The following ELOVL4 variants were observed in gnomAD, a reference collection of about 807,000 sequenced individuals.
The protein encoded by ELOVL4 is very long chain fatty acid elongase 4.
A neutral mutation model predicts 42.1 loss-of-function variants in ELOVL4; 18 were observed. The observed-to-expected ratio is 0.43, with a 90% CI of 0.30 to 0.63. The LOEUF (loss-of-function observed/expected upper bound fraction) is 0.63, where lower values mean the gene tolerates loss of function less well. ELOVL4 is among the 30% of genes least tolerant of loss of function. The pLI is 0.15. For synonymous variants in ELOVL4, 117 were observed against 127.0 expected (o/e 0.92, Z 0.53); for missense variants, 299 against 376.2 (o/e 0.79, Z 1.70).
At chr6:79,922,929 G>A (rs1467358738) in intron 3 of ELOVL4, among the ~76,000 whole-genome samples, 1 of 152,052 alleles carries the variant, frequency 6.6e-6, no homozygotes, top group Non-Finnish European at 1.5e-5. Context: ...ATATGAATTG[G>A]TTGAAAATAA....
At chr6:79,943,675 T>C (rs994762788) in intron 1 of ELOVL4, among the ~76,000 whole-genome samples, 1 of 152,096 alleles carries the variant, frequency 6.6e-6, no homozygotes, top group Admixed American at 6.5e-5. Flanking sequence ...CTTTGCAAGA[T>C]GCATGAGGGC....
chr6:79,932,450 C>T (rs908946058), intron 1 of ELOVL4, among the ~76,000 whole-genome samples: 1 of 151,626 alleles, frequency 6.6e-6, no homozygotes, highest in African/African-American at 2.4e-5. Context: ...GAGGCTGAGG[C>T]AGGAGAATTG....
chr6:79,941,961 T>C (rs548101316), intron 1 of ELOVL4, among the ~76,000 whole-genome samples: 1 of 152,306 alleles, frequency 6.6e-6, no homozygotes, highest in South Asian at 2.1e-4. Flanking sequence ...CGTGAGTAAT[T>C]ACTAAAGACA....
intron 1 of ELOVL4, among the ~76,000 whole-genome samples, chr6:79,940,174 T>C (rs1349440042): frequency 6.6e-6 from 1 of 152,172 alleles, no homozygotes; most frequent in East Asian, 1.9e-4. Context: ...ATTCTGCAGT[T>C]CAAAATCACA....
At chr6:79,942,350 C>A (rs1220385611) in intron 1 of ELOVL4, among the ~76,000 whole-genome samples, 1 of 152,002 alleles carries the variant, frequency 6.6e-6, no homozygotes, top group African/African-American at 2.4e-5. Flanking sequence ...ATAGTACCTT[C>A]GTTTGTTAAC....
At chr6:79,938,969 C>T (rs573796846) in intron 1 of ELOVL4, among the ~76,000 whole-genome samples, 2 of 152,278 alleles carry the variant, frequency 1.3e-5, no homozygotes, top group East Asian at 1.9e-4. Flanking sequence ...ACAAAAGTTA[C>T]GTAACTTCTG....
intron 2 of ELOVL4, 63 bp downstream of exon 2, chr6:79,926,131 A>T: frequency 7.2e-7 from 1 of 1,379,566 alleles, no homozygotes; most frequent in Non-Finnish European, 1.0e-6. Flanking sequence ...ATGGTTTTAC[A>T]CATTCTCATT....
At chr6:79,916,940 A>G in intron 5 of ELOVL4, 57 bp from the exon 6 acceptor site, 1 of 1,603,872 alleles carries the variant, frequency 6.2e-7, no homozygotes. Context: ...ACAACTTTTA[A>G]CAACATCGGC....
intron 4 of ELOVL4, 80 bp from the exon 5 acceptor site, chr6:79,919,627 T>G: frequency 5.9e-6 from 7 of 1,178,912 alleles, no homozygotes; most frequent in South Asian, 1.3e-5. Context: ...AATAAATGAA[T>G]ACACATTATT....
At chr6:79,925,179 C>A in intron 2 of ELOVL4, 147 bp from the exon 3 acceptor site, 1 of 616,578 alleles carries the variant, frequency 1.6e-6, no homozygotes, top group Non-Finnish European at 2.9e-6. Context: ...TTCATGCATT[C>A]CGATTGCTAG....
chr6:79,924,952 C>T lies in ELOVL4; in HGVS notation c.369G>A (p.Arg123=). 1 of 1,587,922 alleles carries T rather than the reference C, an allele frequency of 6.3e-7. No individual in the cohort carries two copies. ...VDYSNNVHEV[R]IAAALWWYFV... ...TTAAGAGTATTTTTAATGTACTTACCCTGACTTCATGAACATTATTAGAAT... is the reference window on the plus strand; with the variant it reads ...TTAAGAGTATTTTTAATGTACTTACTCTGACTTCATGAACATTATTAGAAT... The change falls in exon 3 of 6, where the codon AGG becomes AGA. Residue 123 remains arginine, a splice_region_variant and synonymous_variant. Transcript: ENST00000369816.
chr6:79,938,625 T>A (rs1774589250), intron 1 of ELOVL4, among the ~76,000 whole-genome samples: 1 of 152,258 alleles, frequency 6.6e-6, no homozygotes, highest in Admixed American at 6.5e-5. Flanking sequence ...GCATTTTGTA[T>A]TCTACATATA....
In ELOVL4 at chr6:79,916,653, T is replaced by C. The variant is rs1774166141; in HGVS notation, c.900A>G (p.Ile300Met). Residue 300 changes from isoleucine to methionine, a missense_variant, in exon 6 of 6, where the codon ATA (isoleucine) becomes ATG (methionine). Physicochemically the swap from Ile to Met is conservative, Grantham distance 10. Transcript: ENST00000369816. The stretch of plus-strand genomic sequence containing the variant: ...CATTTTTCTGCTTTTTTCCATTTTC[T>C]ATCATGAGTTGTTTTTCTGATTTGC... ...GVSKSEKQLMIENGKKQKNGK... is the reference protein window; with the variant it reads ...GVSKSEKQLMMENGKKQKNGK... 1.2e-6 allele frequency: 2 copies of C among 1,614,182 alleles called. No homozygotes were observed. Among genetic ancestry groups the C allele is most frequent in the Non-Finnish European group, 1.7e-6 (2 of 1,180,028 alleles).
intron 3 of ELOVL4, 41 bp from the exon 4 acceptor site, chr6:79,921,837 C>G: frequency 2.5e-6 from 4 of 1,580,854 alleles, no homozygotes; most frequent in Non-Finnish European, 3.5e-6. Context: ...CAAAATGACA[C>G]TATTGTATGG....
At chr6:79,943,270 G>A (rs1774677049) in intron 1 of ELOVL4, among the ~76,000 whole-genome samples, 1 of 152,134 alleles carries the variant, frequency 6.6e-6, no homozygotes, top group Non-Finnish European at 1.5e-5. Context: ...GCTTATTTGA[G>A]CTGAGTTAAA....
intron 1 of ELOVL4, among the ~76,000 whole-genome samples, chr6:79,928,098 C>A (rs116520168): frequency 0.033 from 4,957 of 152,042 alleles, 114 homozygotes; most frequent in Middle Eastern, 0.061. Context: ...TTAGGTATTT[C>A]TTTTTCTATA....
Position 79,921,677 on chromosome 6 carries a change from A to G in ELOVL4, c.489T>C (p.Cys163=), listed in dbSNP as rs750084918. 2 of 1,614,042 alleles carry G rather than the reference A, an allele frequency of 1.2e-6. No individual in the cohort carries two copies. The highest frequency in any genetic ancestry group is 1.7e-6 in the Non-Finnish European group (2 of 1,179,988). ...QVSFLHVYHH[C]TMFTLWWIGI... ...CAATCCACCACAAGGTAAACATCGT[A>G]CAGTGATGATACACATGAAGGAAAG... Residue 163 remains cysteine (C), a synonymous_variant, in exon 4 of 6, where the codon TGT becomes TGC. Transcript: ENST00000369816.
At chr6:79,921,459 CAAAAAAAAAAAAAAAAA>C (rs1168483827) in intron 4 of ELOVL4, among the ~76,000 whole-genome samples, 149 bp downstream of exon 4, 769 of 42,452 alleles carry the variant, frequency 0.018, 21 homozygotes, top group African/African-American at 0.06. Flanking sequence ...GACTCCATCT[CAAAAAAAAAAAAAAAAA>C]AAAAAAAAAA....
rs1204847502 is a variant in ELOVL4, at chr6:79,921,933, A to G, written c.370-137T>C. The G allele has an allele frequency of 1.1e-5, 9 of 839,066 alleles. No individual in the cohort carries two copies. In the East Asian group the frequency reaches 2.4e-4, roughly 22 times the overall value. The allele number at this position is 839,066 out of a possible 1,614,324, so 52.0% of individuals were successfully genotyped here. ...GGCATGGAATCATTAATGGCTAAGT[A>G]GGTTTGAAAAACCTAAGCATCTCTC... On this transcript the variant is annotated intron_variant, in intron 3 of 5. Coordinates refer to ENST00000369816, the MANE Select transcript of ELOVL4 (RefSeq NM_022726.4).
Sources: gnomAD v4.1 joint callset for allele counts (sites outside exome capture counted in the v4.1 genomes callset) on GRCh38, gnomAD v4.1.1 for gene constraint, MANE v1.5 for transcripts, NCBI Gene and HGNC (gene_info 2026-07-23, HGNC 2026-07-21) for gene names.